Variants in RAPGEF2 observed in about 807,000 individuals in gnomAD.
The protein encoded by RAPGEF2 is Rap guanine nucleotide exchange factor 2.
In RAPGEF2, 54 loss-of-function variants were observed where a neutral mutation model predicts 186.7. That is an observed-to-expected ratio of 0.29 (90% CI 0.23 to 0.36). The LOEUF (loss-of-function observed/expected upper bound fraction) is 0.36, where lower values mean the gene tolerates loss of function less well. Ranked by LOEUF, RAPGEF2 falls within the 10% of genes least tolerant of loss-of-function variation. The probability of loss-of-function intolerance (pLI) is 1.00; values close to 1 mark genes in which losing one functional copy is unlikely to be tolerated. For synonymous variants in RAPGEF2, 712 were observed against 705.9 expected (o/e 1.01, Z -0.14); for missense variants, 1,532 against 2,045.0 (o/e 0.75, Z 4.84).
At chr4:159,304,588 TAAGTACATAA>T in intron 8 of RAPGEF2, 115 bp downstream of exon 8, 2 of 939,022 alleles carry the variant, frequency 2.1e-6, no homozygotes, top group Non-Finnish European at 3.1e-6. Flanking sequence ...CATGTGCATG[TAAGTACATAA>T]AATATTAATG....
chr4:159,207,383 C>T (rs1007183128), intron 3 of RAPGEF2, among the ~76,000 whole-genome samples: 2 of 152,186 alleles, frequency 1.3e-5, no homozygotes, highest in African/African-American at 4.8e-5. Context: ...ATTATCAGTG[C>T]CAGGAGAGCT....
At chr4:159,295,754 TGC>T (rs66478721) in intron 7 of RAPGEF2, among the ~76,000 whole-genome samples, 2,702 of 113,844 alleles carry the variant, frequency 0.024, 47 homozygotes, top group African/African-American at 0.049. Flanking sequence ...TGTGTGTGTG[TGC>T]GCGCGCGCGC....
chr4:159,340,694 CACACACACACACAT>C (rs1269950438), intron 19 of RAPGEF2, among the ~76,000 whole-genome samples: 2 of 149,044 alleles, frequency 1.3e-5, no homozygotes, highest in African/African-American at 5.0e-5. Flanking sequence ...CACACACACA[CACACACACACACAT>C]TTATGGAATT....
intron 20 of RAPGEF2, 35 bp downstream of exon 20, chr4:159,341,982 AG>A: frequency 6.5e-7 from 1 of 1,532,454 alleles, no homozygotes; most frequent in Non-Finnish European, 8.7e-7. Context: ...GATTCAGTTC[AG>A]TTCACAGATT....
At chr4:159,151,032 T>G (rs1743479162) in intron 1 of RAPGEF2, among the ~76,000 whole-genome samples, 1 of 152,156 alleles carries the variant, frequency 6.6e-6, no homozygotes, top group African/African-American at 2.4e-5. Context: ...GCTATAGAAA[T>G]TTTGCTGATT....
chr4:159,178,429 G>C (rs548080097), intron 1 of RAPGEF2, among the ~76,000 whole-genome samples: 1 of 151,886 alleles, frequency 6.6e-6, no homozygotes, highest in Non-Finnish European at 1.5e-5. Context: ...CTAGTTGTAA[G>C]TGAATTGTAA....
At chr4:159,253,942 CA>C (rs1020795049) in intron 7 of RAPGEF2, among the ~76,000 whole-genome samples, 2 of 149,214 alleles carry the variant, frequency 1.3e-5, no homozygotes, top group Admixed American at 6.7e-5. Flanking sequence ...GACTCCGTCT[CA>C]AAAAAAAAGA....
intron 7 of RAPGEF2, among the ~76,000 whole-genome samples, chr4:159,273,415 C>T (rs570466285): frequency 6.6e-6 from 1 of 152,130 alleles, no homozygotes; most frequent in Non-Finnish European, 1.5e-5. Context: ...AAAGTAAGAT[C>T]TTTGCTTTTA....
At chr4:159,253,229 G>C (rs1434429190) in intron 7 of RAPGEF2, among the ~76,000 whole-genome samples, 1 of 152,226 alleles carries the variant, frequency 6.6e-6, no homozygotes, top group Non-Finnish European at 1.5e-5. Context: ...GTTTCTTAAA[G>C]ATCAGTTGCA....
At position 159,198,318 on chromosome 4, in the gene RAPGEF2, C is replaced by T. The variant is rs868087221; in HGVS notation, c.197+5062C>T. Among the ~76,000 whole-genome samples the T allele has an allele frequency of 3.8e-4, 19 of 50,550 alleles. 1 individual carries two copies. Among genetic ancestry groups the T allele is most frequent in the African/African-American group, 1.5e-3 (16 of 10,654 alleles). The allele number at this position is 50,550 out of a possible 152,430, so 33.2% of individuals were successfully genotyped here. A position where few individuals can be genotyped will look rare whatever the true frequency, so the allele number is the denominator to read the frequency against. ...TCTTTCTTTCTTTCTTTCTTTCTTTCTTTCTTTCTTTCTTTCTTTTTCTTT... is the reference window on the plus strand; with the variant it reads ...TCTTTCTTTCTTTCTTTCTTTCTTTTTTTCTTTCTTTCTTTCTTTTTCTTT... On this transcript the variant is annotated intron_variant, in intron 3 of 29. Transcript: ENST00000691494.
At chr4:159,119,023 A>T (rs922586645) in intron 1 of RAPGEF2, among the ~76,000 whole-genome samples, 1 of 152,106 alleles carries the variant, frequency 6.6e-6, no homozygotes, top group Non-Finnish European at 1.5e-5. Flanking sequence ...TGGTTTAATG[A>T]CTGATTCACT....
intron 7 of RAPGEF2, among the ~76,000 whole-genome samples, chr4:159,265,350 A>C (rs1242447963): frequency 6.6e-6 from 1 of 152,204 alleles, no homozygotes; most frequent in Non-Finnish European, 1.5e-5. Context: ...GTGAAGGGAT[A>C]AACACTAACA....
At chr4:159,205,153 A>T (rs983077161) in intron 3 of RAPGEF2, among the ~76,000 whole-genome samples, 1 of 152,074 alleles carries the variant, frequency 6.6e-6, no homozygotes, top group Admixed American at 6.6e-5. Flanking sequence ...TTTTTTCTGA[A>T]AGTTTTTCAG....
At chr4:159,131,788 C>G (rs764453440) in intron 1 of RAPGEF2, among the ~76,000 whole-genome samples, 5 of 151,440 alleles carry the variant, frequency 3.3e-5, no homozygotes, top group Non-Finnish European at 7.4e-5. Context: ...ACTTGGCATA[C>G]TCGATATTTC....
chr4:159,279,430 G>A (rs762965453), intron 7 of RAPGEF2, among the ~76,000 whole-genome samples: 15 of 152,088 alleles, frequency 9.9e-5, no homozygotes, highest in Admixed American at 2.6e-4. Flanking sequence ...GAAAGTCCTC[G>A]AACAGTTTAT....
Position 159,356,155 on chromosome 4 carries a change from G to T in RAPGEF2, c.4954G>T (p.Asp1652Tyr). The T allele has an allele frequency of 6.2e-7, 1 of 1,613,358 alleles. No individual in the cohort carries two copies. The highest frequency in any genetic ancestry group is 1.3e-5 in the African/African-American group (1 of 75,024). Residue 1652 changes from aspartate (D) to tyrosine (Y), a missense_variant, in exon 29 of 30, where the codon GAT (aspartate) becomes TAT (tyrosine). By Grantham distance (160) the Asp-to-Tyr change is radical. This residue lies in a region of RAPGEF2 where 594 missense variants were observed against 608.5 expected (regional missense o/e 0.98). Coordinates refer to ENST00000691494, the MANE Select transcript of RAPGEF2 (RefSeq NM_001394067.2). ...YQSQGFSTEE[D>Y]EDEQVSAV is the part of the protein sequence containing the mutation. ...GTCCCAAGGGTTTTCCACCGAGGAG[G>T]ATGGTATATGCACATAAATATTCCT... is the stretch of plus-strand genomic sequence containing the variant.
At chr4:159,130,612 CAATT>C (rs1443672961) in intron 1 of RAPGEF2, among the ~76,000 whole-genome samples, 1 of 152,084 alleles carries the variant, frequency 6.6e-6, no homozygotes, top group Non-Finnish European at 1.5e-5. Context: ...AATTTTTAAA[CAATT>C]AGAGTTAGTA....
intron 7 of RAPGEF2, among the ~76,000 whole-genome samples, chr4:159,251,915 G>A (rs1755471197): frequency 6.6e-6 from 1 of 151,918 alleles, no homozygotes; most frequent in Non-Finnish European, 1.5e-5. Flanking sequence ...CTCACGCTTT[G>A]GGTCTGCCAC....
At position 159,341,724 on chromosome 4, in the gene RAPGEF2, C is replaced by T; in HGVS notation, c.2695C>T (p.Pro899Ser). 3 of 1,613,976 alleles carry T rather than the reference C, an allele frequency of 1.9e-6. No homozygotes were observed. Among genetic ancestry groups the T allele is most frequent in the Non-Finnish European group, 2.5e-6 (3 of 1,179,904 alleles). Residue 899 changes from proline (P) to serine (S), a missense_variant, in exon 20 of 30, where the codon CCT becomes TCT. Physicochemically the swap from Pro to Ser is moderately conservative, Grantham distance 74 (BLOSUM62 -1). Coordinates refer to ENST00000691494, the MANE Select transcript of RAPGEF2 (RefSeq NM_001394067.2). ...TTTTGAACTCTTTCGCAACATTGAA[C>T]CTACTGAATATATAGATGATTTATT... ...RNFELFRNIE[P>S]TEYIDDLFKL...
Sources: allele counts gnomAD v4.1 joint callset (sites outside exome capture counted in the v4.1 genomes callset), GRCh38; gene constraint gnomAD v4.1.1; regional missense constraint gnomAD v4.1.1; transcripts MANE v1.5; gene names NCBI Gene and HGNC (gene_info 2026-07-23, HGNC 2026-07-21).